Variants in TAS2R1 observed in about 807,000 individuals in gnomAD.
The protein encoded by TAS2R1 is taste receptor type 2 member 1.
For missense variants in TAS2R1, 370 were observed against 353.4 expected (o/e 1.05, Z -0.38); for synonymous variants, 141 against 134.2 (o/e 1.05, Z -0.35).
At chr5:9,755,046 G>C in the TAS2R1 span, among the ~76,000 whole-genome samples, 1 of 152,082 alleles carries the variant, frequency 6.6e-6, no homozygotes, top group Non-Finnish European at 1.5e-5. Context: ...AAAAATTTTT[G>C]ATAAGACAAG....
the TAS2R1 span, among the ~76,000 whole-genome samples, chr5:9,868,890 C>T: frequency 2.0e-5 from 3 of 152,198 alleles, no homozygotes; most frequent in African/African-American, 4.8e-5. Context: ...CTTTGCCTAG[C>T]TATAGTGACC....
At chr5:9,887,409 T>TC in the TAS2R1 span, among the ~76,000 whole-genome samples, 1 of 152,172 alleles carries the variant, frequency 6.6e-6, no homozygotes, top group South Asian at 2.1e-4. Flanking sequence ...AAGCTATCCT[T>TC]CCCAGTTTCA....
chr5:9,767,827 G>C, the TAS2R1 span, among the ~76,000 whole-genome samples: 1 of 148,380 alleles, frequency 6.7e-6, no homozygotes, highest in Non-Finnish European at 1.5e-5. Context: ...GGGAAGCTGA[G>C]ACAGGAGAAT....
At chr5:9,831,644 ATTAGTT>A in the TAS2R1 span, among the ~76,000 whole-genome samples, 2 of 151,698 alleles carry the variant, frequency 1.3e-5, no homozygotes, top group Admixed American at 6.6e-5. Flanking sequence ...ATCGTAACAT[ATTAGTT>A]TTAAAGAAAA....
At chr5:9,678,457 T>C (rs995937362) in intron 1 of TAS2R1, among the ~76,000 whole-genome samples, 1 of 152,188 alleles carries the variant, frequency 6.6e-6, no homozygotes, top group Non-Finnish European at 1.5e-5. Context: ...ATATAGATCA[T>C]TCTATCATAA....
chr5:9,722,109 T>C, the TAS2R1 span, among the ~76,000 whole-genome samples: 4 of 152,132 alleles, frequency 2.6e-5, no homozygotes, highest in Non-Finnish European at 4.4e-5. Flanking sequence ...AACCTAAGGG[T>C]AAAGGAACTG....
chr5:9,671,197 C>T (rs756733882), intron 1 of TAS2R1, among the ~76,000 whole-genome samples: 1 of 152,104 alleles, frequency 6.6e-6, no homozygotes, highest in African/African-American at 2.4e-5. Context: ...ACTGAATGGG[C>T]AAAAGCTGGG....
chr5:9,787,038 C>T, the TAS2R1 span, among the ~76,000 whole-genome samples: 29 of 152,268 alleles, frequency 1.9e-4, no homozygotes, highest in East Asian at 3.5e-3. Context: ...ACTGCATTTC[C>T]CTCAACTATA....
the TAS2R1 span, among the ~76,000 whole-genome samples, chr5:9,822,017 C>G: frequency 6.6e-6 from 1 of 152,200 alleles, no homozygotes; most frequent in Non-Finnish European, 1.5e-5. Context: ...TTCCAGTTGA[C>G]TCTGTGGTCA....
chr5:9,655,971 A>T (rs2126491926), intron 2 of TAS2R1, among the ~76,000 whole-genome samples: 1 of 151,840 alleles, frequency 6.6e-6, no homozygotes. Flanking sequence ...ACCACTTCTC[A>T]GGTAGCTTCC....
At chr5:9,768,102 T>C in the TAS2R1 span, among the ~76,000 whole-genome samples, 1 of 151,992 alleles carries the variant, frequency 6.6e-6, no homozygotes, top group East Asian at 1.9e-4. Flanking sequence ...CCATTACCCA[T>C]CCAGCACGCC....
the TAS2R1 span, among the ~76,000 whole-genome samples, chr5:9,747,108 G>A: frequency 3.3e-5 from 5 of 152,318 alleles, no homozygotes; most frequent in South Asian, 1.0e-3. Context: ...TGATAGCTAA[G>A]AGAGAAGATT....
At chr5:9,834,579 T>C in the TAS2R1 span, among the ~76,000 whole-genome samples, 1 of 152,070 alleles carries the variant, frequency 6.6e-6, no homozygotes, top group Non-Finnish European at 1.5e-5. Flanking sequence ...AAAGATCAAA[T>C]AGAGCAAAGC....
chr5:9,633,313 T>TATATATATATATATA (rs1254101852), upstream of TAS2R1, among the ~76,000 whole-genome samples: 6 of 128,988 alleles, frequency 4.7e-5, no homozygotes, highest in African/African-American at 2.0e-4. Flanking sequence ...TATATATATA[T>TATATATATATATATA]ATATATACAC....
At chr5:9,725,661 C>T in the TAS2R1 span, among the ~76,000 whole-genome samples, 8 of 151,330 alleles carry the variant, frequency 5.3e-5, no homozygotes, top group South Asian at 1.2e-3. Context: ...GAGCACCGCC[C>T]CCTGCTCCAC....
At chr5:9,838,661 T>C in the TAS2R1 span, among the ~76,000 whole-genome samples, 1 of 152,236 alleles carries the variant, frequency 6.6e-6, no homozygotes, top group Non-Finnish European at 1.5e-5. Flanking sequence ...CTTTAAATGC[T>C]GGACAGTACT....
At chr5:9,895,318 A>G in the TAS2R1 span, among the ~76,000 whole-genome samples, 3,156 of 152,320 alleles carry the variant, frequency 0.021, 89 homozygotes, top group African/African-American at 0.063. Context: ...TCAATAAGCT[A>G]TTACAAATAT....
At chr5:9,754,095 G>T in the TAS2R1 span, among the ~76,000 whole-genome samples, 1 of 152,182 alleles carries the variant, frequency 6.6e-6, no homozygotes, top group East Asian at 1.9e-4. Flanking sequence ...ATGCAAGGCT[G>T]GTTCAATATA....
chr5:9,839,168 C>T, the TAS2R1 span, among the ~76,000 whole-genome samples: 4 of 152,178 alleles, frequency 2.6e-5, no homozygotes, highest in Non-Finnish European at 1.5e-5. Flanking sequence ...GAGGCAGATT[C>T]TCAAGAGCTT....
Sources: allele counts gnomAD v4.1 joint callset (sites outside exome capture counted in the v4.1 genomes callset), GRCh38; gene constraint gnomAD v4.1.1; transcripts MANE v1.5; gene names NCBI Gene and HGNC (gene_info 2026-07-23, HGNC 2026-07-21).